GSN: variants seen among roughly 807,000 people sequenced by gnomAD.
GSN encodes actin-depolymerizing factor.
A neutral mutation model predicts 85.7 loss-of-function variants in GSN; 56 were observed. The observed-to-expected ratio is 0.65, with a 90% CI of 0.53 to 0.82. The LOEUF (loss-of-function observed/expected upper bound fraction) is 0.82, where lower values mean the gene tolerates loss of function less well. Among genes scored for constraint, GSN ranks in the 40% least tolerant of loss-of-function variants. The probability of loss-of-function intolerance (pLI) is 0.00; values close to 1 mark genes in which losing one functional copy is unlikely to be tolerated. For missense variants in GSN, 857 were observed against 979.8 expected (o/e 0.87, Z 1.67); for synonymous variants, 373 against 399.1 (o/e 0.93, Z 0.78).
rs1304671346 is a variant in GSN at position 121,332,568 on chromosome 9, C to A, written c.2161C>A (p.Pro721Thr). 1 of 1,613,994 alleles carries A rather than the reference C, an allele frequency of 6.2e-7. No homozygotes were observed. The highest frequency in any genetic ancestry group is 8.5e-7 in the Non-Finnish European group (1 of 1,179,970). Residue 721 changes from proline to threonine, a missense_variant, in exon 18 of 18, where the codon CCC (proline) becomes ACC (threonine). Transcript: ENST00000432226. The surrounding 1 kb of genome is among the most constrained non-coding windows in gnomAD (Gnocchi z 4.8). ...GWDDDYWSVD[P>T]LDRAMAELAA ...GGATGATGATTACTGGTCTGTGGAC[C>A]CCTTGGACAGGGCCATGGCTGAGCT...
At chr9:121,260,218 T>C (rs1191505401) in intron 6 of GSN, among the ~76,000 whole-genome samples, 1 of 152,160 alleles carries the variant, frequency 6.6e-6, no homozygotes, top group Non-Finnish European at 1.5e-5. Flanking sequence ...AACTCTAGAC[T>C]GCCTGCTTGG....
At chr9:121,229,150 A>T (rs2054336803) in intron 4 of GSN, among the ~76,000 whole-genome samples, 1 of 152,182 alleles carries the variant, frequency 6.6e-6, no homozygotes, top group Non-Finnish European at 1.5e-5. Context: ...ATAACTCTCA[A>T]GTCTCCATTA....
Position 121,318,286 on chromosome 9 carries a change from C to A in GSN, c.887-120C>A. 1 of 859,800 alleles carries A rather than the reference C, an allele frequency of 1.2e-6. No individual in the cohort carries two copies. Among genetic ancestry groups the A allele is most frequent in the East Asian group, 2.5e-5 (1 of 40,808 alleles). The allele number at this position is 859,800 out of a possible 1,614,324, so 53.3% of individuals were successfully genotyped here. ...CTGGGGGTCTCTGGCCTTGGCTGTC[C>A]ACAGTCTAAGAAGAGTAGGGAGGGA... On this transcript the variant is annotated intron_variant, in intron 8 of 17. Coordinates refer to ENST00000432226, the MANE Select transcript of GSN (RefSeq NM_198252.3). The surrounding 1 kb of genome is among the most constrained non-coding windows in gnomAD (Gnocchi z 4.3).
At chr9:121,294,105 A>G (rs1187728050) in intron 2 of GSN, among the ~76,000 whole-genome samples, 2 of 152,170 alleles carry the variant, frequency 1.3e-5, no homozygotes, top group East Asian at 3.9e-4. Flanking sequence ...CAGAGCAGGA[A>G]GCTGCCTCCT....
intron 11 of GSN, among the ~76,000 whole-genome samples, chr9:121,323,389 T>A (rs1032379525): frequency 4.0e-5 from 6 of 149,978 alleles, no homozygotes; most frequent in African/African-American, 4.9e-5. Flanking sequence ...TTTTTTTTTT[T>A]AGACAGAGTC....
intron 2 of GSN, among the ~76,000 whole-genome samples, chr9:121,293,679 C>G (rs1184947200): frequency 7.3e-6 from 1 of 136,662 alleles, no homozygotes; most frequent in African/African-American, 2.7e-5. Flanking sequence ...GCCTGGGTGA[C>G]AGAGCGAGAC....
chr9:121,305,155 G>A (rs1257610968), intron 4 of GSN, among the ~76,000 whole-genome samples: 2 of 152,166 alleles, frequency 1.3e-5, no homozygotes, highest in East Asian at 3.9e-4. Context: ...ATAGGCTCCC[G>A]GATTTTTAGG....
intron 3 of GSN, 97 bp downstream of exon 3, chr9:121,302,264 A>C: frequency 7.4e-7 from 1 of 1,360,524 alleles, no homozygotes; most frequent in Non-Finnish European, 1.0e-6. Context: ...ATTATTGAGC[A>C]CCTAGTATGT....
intron 5 of GSN, among the ~76,000 whole-genome samples, chr9:121,242,810 G>A (rs2054630639): frequency 6.6e-6 from 1 of 152,054 alleles, no homozygotes; most frequent in South Asian, 2.1e-4. Flanking sequence ...TGCAATTCTG[G>A]CCTATGAGAT....
At chr9:121,321,057 G>A (rs890438218) in intron 10 of GSN, among the ~76,000 whole-genome samples, 1 of 152,192 alleles carries the variant, frequency 6.6e-6, no homozygotes, top group African/African-American at 2.4e-5. Flanking sequence ...ATGGTATGAG[G>A]AGCCCAGGCA....
chr9:121,279,859 G>C (rs2057139173), intron 1 of GSN: 1 of 152,174 alleles, frequency 6.6e-6, no homozygotes, highest in African/African-American at 2.4e-5. Context: ...CTCTGCTTTG[G>C]TCTGTCCCTT....
chr9:121,308,192 G>C (rs1237609127), intron 4 of GSN, among the ~76,000 whole-genome samples: 1 of 152,252 alleles, frequency 6.6e-6, no homozygotes, highest in African/African-American at 2.4e-5. Flanking sequence ...AAGATAGGTT[G>C]TTAGCTCTGT....
chr9:121,225,356 A>G (rs992954684), intron 4 of GSN, among the ~76,000 whole-genome samples: 3 of 152,262 alleles, frequency 2.0e-5, no homozygotes, highest in South Asian at 2.1e-4. Context: ...ACAAAAGCAC[A>G]TATCCGAAAT....
chr9:121,237,250 G>C (rs1366970176), intron 5 of GSN, among the ~76,000 whole-genome samples: 1 of 152,172 alleles, frequency 6.6e-6, no homozygotes, highest in Non-Finnish European at 1.5e-5. Flanking sequence ...GTATAAGAAA[G>C]AGCAAGTAGG....
chr9:121,214,669 T>C (rs2132084783), intron 4 of GSN, among the ~76,000 whole-genome samples: 1 of 152,320 alleles, frequency 6.6e-6, no homozygotes, highest in South Asian at 2.1e-4. Flanking sequence ...TCCTGAGTTA[T>C]CCTATGTCAT....
intron 4 of GSN, among the ~76,000 whole-genome samples, chr9:121,306,074 T>A (rs2060385011): frequency 6.6e-6 from 1 of 152,130 alleles, no homozygotes; most frequent in Admixed American, 6.5e-5. Flanking sequence ...AATCCCTTGA[T>A]TCCCCGCCCC....
At chr9:121,317,784 T>C (rs2061890574) in intron 8 of GSN, 1 of 197,092 alleles carries the variant, frequency 5.1e-6, no homozygotes, top group Non-Finnish European at 1.1e-5. Flanking sequence ...TCTCTAAGGC[T>C]CATCTTGGGG....
At chr9:121,314,539 G>T (rs2061508634) in intron 7 of GSN, among the ~76,000 whole-genome samples, 1 of 152,112 alleles carries the variant, frequency 6.6e-6, no homozygotes, top group Non-Finnish European at 1.5e-5. Context: ...TCACACTTAC[G>T]TTGTGCCCCA....
chr9:121,204,650 A>G (rs968738802), upstream of GSN, among the ~76,000 whole-genome samples: 1 of 152,232 alleles, frequency 6.6e-6, no homozygotes, highest in Non-Finnish European at 1.5e-5. Flanking sequence ...AGTTGTTTCT[A>G]TAAGAAGAGA....
Sources: gnomAD v4.1 joint callset for allele counts (sites outside exome capture counted in the v4.1 genomes callset) on GRCh38, gnomAD v4.1.1 for gene constraint, Gnocchi (gnomAD v3.1) non-coding constraint, MANE v1.5 for transcripts, NCBI Gene and HGNC (gene_info 2026-07-23, HGNC 2026-07-21) for gene names.